Variants in SMPDL3B observed in about 807,000 individuals in gnomAD.
The protein encoded by SMPDL3B is acid sphingomyelinase-like phosphodiesterase 3b.
In SMPDL3B, 31 loss-of-function variants were observed where a neutral mutation model predicts 37.9. The observed-to-expected ratio is 0.82, with a 90% confidence interval of 0.61 to 1.10. The LOEUF (loss-of-function observed/expected upper bound fraction) is 1.10, where lower values mean the gene tolerates loss of function less well. SMPDL3B is among the 50% of genes least tolerant of loss of function. The probability of loss-of-function intolerance (pLI) is 0.00; values close to 1 mark genes in which losing one functional copy is unlikely to be tolerated. For missense variants in SMPDL3B, 525 were observed against 597.8 expected (o/e 0.88, Z 1.27); for synonymous variants, 235 against 242.6 (o/e 0.97, Z 0.29).
At chr1:27,936,164 C>A (rs4255404) in intron 1 of SMPDL3B, among the ~76,000 whole-genome samples, 1 of 151,968 alleles carries the variant, frequency 6.6e-6, no homozygotes, top group African/African-American at 2.4e-5. Flanking sequence ...TTAAAAGGAC[C>A]CTTGAGGCCA....
intron 5 of SMPDL3B, among the ~76,000 whole-genome samples, chr1:27,955,073 C>T (rs2090488532): frequency 6.6e-6 from 1 of 152,216 alleles, no homozygotes; most frequent in Non-Finnish European, 1.5e-5. Flanking sequence ...GGTAGCAGAA[C>T]TATGGAAACC....
chr1:27,950,872 C>T (rs537585730), intron 3 of SMPDL3B, among the ~76,000 whole-genome samples: 38 of 152,284 alleles, frequency 2.5e-4, no homozygotes, highest in South Asian at 8.3e-4. Context: ...TCAAGTGATC[C>T]GCACGCCTTG....
chr1:27,939,550 G>T lies in SMPDL3B; in HGVS notation c.61+4306G>T, dbSNP rs569026860. 1.2e-4 allele frequency among the ~76,000 whole-genome samples: 19 copies of T among 152,164 alleles called. No individual in the cohort carries two copies. In the South Asian group the frequency reaches 3.5e-3, roughly 28 times the overall value. ...CATATACCTGCATTCCTAGTGTGGT[G>T]GCTCATACCTGTAATCCTAGCACTT... On this transcript the variant is annotated intron_variant, in intron 1 of 7. Coordinates refer to ENST00000373894, the MANE Select transcript of SMPDL3B (RefSeq NM_014474.4).
At position 27,958,552 on chromosome 1, in the gene SMPDL3B, T is replaced by C; in HGVS notation, c.1082T>C (p.Leu361Pro). The part of the protein sequence containing the change: ...GTPRWELEYQ[L>P]TEAYGVPDAS... ...CCGCGCTGGGAGCTCGAGTACCAGCTGACCGAGGCCTATGGGGTGCCGGAC... is the reference window on the plus strand; with the variant it reads ...CCGCGCTGGGAGCTCGAGTACCAGCCGACCGAGGCCTATGGGGTGCCGGAC... Residue 361 changes from leucine (L) to proline (P), a missense_variant, in exon 8 of 8, where the codon CTG becomes CCG. Leu to Pro is a moderately conservative substitution (Grantham distance 98, BLOSUM62 -3). Transcript: ENST00000373894. This position sits in a 1 kb window ranked among gnomAD's most constrained non-coding sequence, Gnocchi z 5.6. 5.0e-6 allele frequency: 8 copies of C among 1,613,912 alleles called. No individual in the cohort carries two copies. The highest frequency in any genetic ancestry group is 6.8e-6 in the Non-Finnish European group (8 of 1,179,952).
chr1:27,937,447 T>C (rs1291648469), intron 1 of SMPDL3B, among the ~76,000 whole-genome samples: 5 of 152,182 alleles, frequency 3.3e-5, no homozygotes, highest in Admixed American at 2.6e-4. Flanking sequence ...GGTCCGTAAA[T>C]GTAGGTTTTA....
intron 1 of SMPDL3B, among the ~76,000 whole-genome samples, chr1:27,935,648 A>C (rs1472904664): frequency 6.6e-6 from 1 of 152,142 alleles, no homozygotes; most frequent in Non-Finnish European, 1.5e-5. Context: ...ATCTGGGGAG[A>C]AAAAAACAAA....
At chr1:27,940,435 C>T (rs1280607436) in intron 1 of SMPDL3B, among the ~76,000 whole-genome samples, 1 of 14,888 alleles carries the variant, frequency 6.7e-5, no homozygotes, top group African/African-American at 9.5e-5. Context: ...ACCACTGCTT[C>T]CCATTTATGA....
chr1:27,951,500 C>A (rs1006428871), intron 3 of SMPDL3B, among the ~76,000 whole-genome samples: 1 of 152,196 alleles, frequency 6.6e-6, no homozygotes, highest in Non-Finnish European at 1.5e-5. Context: ...CTGGTCCTCA[C>A]CTCATCAGCA....
rs2090479122 is a variant in SMPDL3B at position 27,954,301 on chromosome 1, G to A, written c.518-53G>A. 6.5e-6 allele frequency: 10 copies of A among 1,543,232 alleles called. 1 individual carries two copies. In the South Asian group the frequency reaches 1.2e-4, roughly 18 times the overall value. ...GGACATTGAGGTGGAAGGGGCGGAA[G>A]CCTGTCTGGCCAGAGGTGGGGGCCT... On this transcript the variant is annotated intron_variant, in intron 4 of 7. Coordinates refer to ENST00000373894, the MANE Select transcript of SMPDL3B (RefSeq NM_014474.4).
intron 4 of SMPDL3B, among the ~76,000 whole-genome samples, 166 bp from the exon 5 acceptor site, chr1:27,954,188 C>T (rs974807841): frequency 1.3e-5 from 2 of 152,194 alleles, no homozygotes; most frequent in African/African-American, 2.4e-5. Context: ...GAATCCAGGC[C>T]GCCTGGCTCC....
At position 27,945,332 on chromosome 1, in the gene SMPDL3B, C is replaced by G. The variant is rs150797389; in HGVS notation, c.162C>G (p.Pro54=). 1 of 1,614,164 alleles carries G rather than the reference C, an allele frequency of 6.2e-7. No homozygotes were observed. The highest frequency in any genetic ancestry group is 1.1e-5 in the South Asian group (1 of 91,078). The change falls in exon 2 of 8, where the codon CCC becomes CCG. Residue 54 remains proline (P), a synonymous_variant. Coordinates refer to ENST00000373894, the MANE Select transcript of SMPDL3B (RefSeq NM_014474.4). The surrounding 1 kb of genome is among the most constrained non-coding windows in gnomAD (Gnocchi z 4.0). ...CATCAGCTGGATCCCAGCCAGTGCC[C>G]GACGCAGGCCCCTGGGGTGACTACC... ...VCPSAGSQPV[P]DAGPWGDYLC... is the part of the protein sequence containing the mutation.
chr1:27,936,064 T>G (rs1479663863), intron 1 of SMPDL3B, among the ~76,000 whole-genome samples: 1 of 152,044 alleles, frequency 6.6e-6, no homozygotes, highest in Non-Finnish European at 1.5e-5. Context: ...TGCCTGTAGA[T>G]AGGAAGGACG....
At chr1:27,954,090 C>T (rs1421898605) in intron 4 of SMPDL3B, among the ~76,000 whole-genome samples, 2 of 152,232 alleles carry the variant, frequency 1.3e-5, no homozygotes. Context: ...CACTGTTAGT[C>T]TCACTATGCA....
intron 7 of SMPDL3B, among the ~76,000 whole-genome samples, chr1:27,957,049 G>A (rs1368741198): frequency 6.6e-6 from 1 of 152,146 alleles, no homozygotes; most frequent in African/African-American, 2.4e-5. Context: ...GAGAGTGGGA[G>A]GGGAGGTCCG....
At chr1:27,938,813 G>A (rs1263008617) in intron 1 of SMPDL3B, 1 of 152,224 alleles carries the variant, frequency 6.6e-6, no homozygotes, top group African/African-American at 2.4e-5. Flanking sequence ...TTGCCCAACT[G>A]TAGGCTAATG....
rs2090496835 is a variant in SMPDL3B at position 27,955,852 on chromosome 1, T to C, written c.859T>C (p.Tyr287His). 12 of 1,613,696 alleles carry C rather than the reference T, an allele frequency of 7.4e-6. No individual in the cohort carries two copies. The East Asian group carries it at 2.7e-4, about 36-fold the overall frequency. The change falls in exon 6 of 8, where the codon TAT becomes CAT. Residue 287 changes from tyrosine (Y) to histidine (H), a missense_variant. By Grantham distance (83) the Tyr-to-His change is moderately conservative. Transcript: ENST00000373894. ...HHHTDSFRML[Y>H]DDAGVPISAM... ...CCACACCGACAGCTTTCGGATGCTCTATGATGATGCAGGTATTCAACCTGG... is the reference window on the plus strand; with the variant it reads ...CCACACCGACAGCTTTCGGATGCTCCATGATGATGCAGGTATTCAACCTGG...
Position 27,955,818 on chromosome 1 carries a change from C to T in SMPDL3B, c.825C>T (p.Phe275=), listed in dbSNP as rs781670041. 15 of 1,613,984 alleles carry T rather than the reference C, an allele frequency of 9.3e-6. No homozygotes were observed. The highest frequency in any genetic ancestry group is 2.2e-5 in the East Asian group (1 of 44,880). ...KHHRVIAGQF[F]GHHHTDSFRM... The stretch of plus-strand genomic sequence containing the variant: ...ATCGCGTCATAGCAGGGCAGTTCTT[C>T]GGGCACCACCACACCGACAGCTTTC... Residue 275 remains phenylalanine, a synonymous_variant, in exon 6 of 8, where the codon TTC becomes TTT. Transcript: ENST00000373894.
chr1:27,940,383 G>T (rs2090346661), intron 1 of SMPDL3B, among the ~76,000 whole-genome samples: 1 of 152,202 alleles, frequency 6.6e-6, no homozygotes, highest in African/African-American at 2.4e-5. Context: ...CTCATGGTGA[G>T]AGGGGGCCTT....
Position 27,955,939 on chromosome 1 carries a change from C to T in SMPDL3B, c.872-10C>T. On this transcript the variant is annotated splice_polypyrimidine_tract_variant and intron_variant, in intron 6 of 7. Coordinates refer to ENST00000373894, the MANE Select transcript of SMPDL3B (RefSeq NM_014474.4). ...AGACCCGCTCAGTCCTGCTGTCTCTCTCCTGACAGGTGTCCCCATAAGCGC... is the reference window on the plus strand; with the variant it reads ...AGACCCGCTCAGTCCTGCTGTCTCTTTCCTGACAGGTGTCCCCATAAGCGC... The T allele has an allele frequency of 6.2e-7, 1 of 1,613,992 alleles. No individual in the cohort carries two copies. The highest frequency in any genetic ancestry group is 8.5e-7 in the Non-Finnish European group (1 of 1,179,924).
Sources: gnomAD v4.1 joint callset for allele counts (sites outside exome capture counted in the v4.1 genomes callset) on GRCh38, gnomAD v4.1.1 for gene constraint, Gnocchi (gnomAD v3.1) non-coding constraint, MANE v1.5 for transcripts, NCBI Gene and HGNC (gene_info 2026-07-23, HGNC 2026-07-21) for gene names.